The following NUP85 variants were observed in gnomAD, a reference collection of about 807,000 sequenced individuals.
NUP85 encodes nuclear pore complex protein Nup85.
Under a neutral mutation model 92.8 loss-of-function variants are expected in NUP85, and 23 were observed. That is an observed-to-expected ratio of 0.25 (90% confidence interval 0.18 to 0.35). The LOEUF is 0.35. Ranked by LOEUF, NUP85 falls within the 10% of genes least tolerant of loss-of-function variation. NUP85 has a pLI of 1.00. For synonymous variants in NUP85, 314 were observed against 306.9 expected, an observed-to-expected ratio of 1.02 and a Z score of -0.24; for missense variants, 759 against 822.8, an observed-to-expected ratio of 0.92 and a Z score of 0.95.
intron 7 of NUP85, among the ~76,000 whole-genome samples, chr17:75,221,630 G>A (rs2075601624): frequency 6.6e-6 from 1 of 152,156 alleles, no homozygotes; most frequent in Non-Finnish European, 1.5e-5. Flanking sequence ...GGGCTGTTGT[G>A]ATCATTAAAT....
chr17:75,213,050 A>C (rs2145287852), intron 4 of NUP85, 26 bp from the exon 5 acceptor site: 2 of 1,607,748 alleles, frequency 1.2e-6, no homozygotes, highest in East Asian at 4.5e-5. Context: ...TCCATTGCTC[A>C]CTTAAAATGT....
In NUP85 at chr17:75,226,155, C is replaced by T. The variant is rs2145358843; in HGVS notation, c.1092C>T (p.Cys364=). The T allele has an allele frequency of 6.2e-7, 1 of 1,612,634 alleles. No homozygotes were observed. The highest frequency in any genetic ancestry group is 2.2e-5 in the East Asian group (1 of 44,872). ...EFDIHQVIKE[C]SIALSNWWFV... is the part of the protein sequence containing the mutation. ...ACATCCATCAAGTAATCAAAGAGTG[C>T]AGGTAGGATCTCTCCCACCCCCCAC... The change falls in exon 11 of 19, where the codon TGC becomes TGT. Residue 364 remains cysteine (C), a splice_region_variant and synonymous_variant. Transcript: ENST00000245544.
At chr17:75,210,631 C>G (rs1249641395) in intron 3 of NUP85, among the ~76,000 whole-genome samples, 2 of 152,198 alleles carry the variant, frequency 1.3e-5, no homozygotes, top group Non-Finnish European at 2.9e-5. Context: ...ATAAGCTTTT[C>G]ACAAATGAAT....
At chr17:75,228,556 G>A in intron 11 of NUP85, 1 of 985,462 alleles carries the variant, frequency 1.0e-6, no homozygotes, top group Non-Finnish European at 1.2e-6. Context: ...TCTGGGGAAA[G>A]GTTGAATTGG....
chr17:75,230,596 T>C (rs1598339680), intron 11 of NUP85, among the ~76,000 whole-genome samples: 1 of 152,146 alleles, frequency 6.6e-6, no homozygotes, highest in Non-Finnish European at 1.5e-5. Flanking sequence ...CCTGACCTCA[T>C]GATCCTCCCA....
At position 75,233,046 on chromosome 17, in the gene NUP85, C is replaced by A; in HGVS notation, c.1515-12C>A. On this transcript the variant is annotated splice_polypyrimidine_tract_variant and intron_variant, in intron 15 of 18. Coordinates refer to ENST00000245544, the MANE Select transcript of NUP85 (RefSeq NM_024844.5). Reference sequence around the variant, plus strand: ...GAGACTGCTGCTCTGATCTCTGGGCCGGGCCCTGCAGGTTCCTCAGGGATT... The same window carrying A: ...GAGACTGCTGCTCTGATCTCTGGGCAGGGCCCTGCAGGTTCCTCAGGGATT... The A allele has an allele frequency of 6.2e-7, 1 of 1,613,832 alleles. No homozygotes were observed.
chr17:75,215,273 C>T (rs1389131887), intron 5 of NUP85, among the ~76,000 whole-genome samples: 1 of 152,298 alleles, frequency 6.6e-6, no homozygotes, highest in South Asian at 2.1e-4. Context: ...AATAGTGGCA[C>T]GATTATGGCT....
intron 5 of NUP85, among the ~76,000 whole-genome samples, chr17:75,215,523 A>G (rs1351724521): frequency 6.6e-6 from 1 of 152,192 alleles, no homozygotes; most frequent in Non-Finnish European, 1.5e-5. Context: ...TTATTTTTGT[A>G]ATGCACAGTA....
intron 5 of NUP85, among the ~76,000 whole-genome samples, chr17:75,213,672 C>T (rs555054381): frequency 1.3e-5 from 2 of 152,176 alleles, no homozygotes; most frequent in East Asian, 1.9e-4. Context: ...GAGAAGTAAT[C>T]TTGTGAGATC....
At chr17:75,213,671 T>A (rs2075339140) in intron 5 of NUP85, among the ~76,000 whole-genome samples, 1 of 152,046 alleles carries the variant, frequency 6.6e-6, no homozygotes, top group Non-Finnish European at 1.5e-5. Context: ...GGAGAAGTAA[T>A]CTTGTGAGAT....
In NUP85 at chr17:75,231,559, A is replaced by G; in HGVS notation, c.1179-14A>G. 7.4e-6 allele frequency: 12 copies of G among 1,614,106 alleles called. No homozygotes were observed. The highest frequency in any genetic ancestry group is 9.3e-6 in the Non-Finnish European group (11 of 1,179,974). The stretch of plus-strand genomic sequence containing the variant: ...AGGCCAGGAGTCTTGGTCTTTTGTT[A>G]TGTTTTATTCCAGTTTCGGTTCCAA... On this transcript the variant is annotated splice_polypyrimidine_tract_variant and intron_variant, in intron 12 of 18. Coordinates refer to ENST00000245544, the MANE Select transcript of NUP85 (RefSeq NM_024844.5). The surrounding 1 kb of genome is among the most constrained non-coding windows in gnomAD (Gnocchi z 4.6).
At chr17:75,222,269 TCC>T (rs2075618033) in intron 7 of NUP85, among the ~76,000 whole-genome samples, 1 of 152,066 alleles carries the variant, frequency 6.6e-6, no homozygotes, top group Non-Finnish European at 1.5e-5. Context: ...GGTCTCAAAC[TCC>T]TGGGCCCAAG....
At chr17:75,225,638 C>A in intron 9 of NUP85, 60 bp from the exon 10 acceptor site, 1 of 1,603,350 alleles carries the variant, frequency 6.2e-7, no homozygotes. Context: ...AGAGCAGGAG[C>A]ATTATGGAGA....
chr17:75,230,399 G>A (rs1392742876), intron 11 of NUP85, among the ~76,000 whole-genome samples: 3 of 136,356 alleles, frequency 2.2e-5, no homozygotes, highest in East Asian at 2.1e-4. Context: ...TCACTTTGTC[G>A]CCCAGGCCGG....
At chr17:75,232,770 G>A in intron 14 of NUP85, 81 bp from the exon 15 acceptor site, 1 of 1,263,290 alleles carries the variant, frequency 7.9e-7, no homozygotes, top group Non-Finnish European at 1.2e-6. Flanking sequence ...AGGCTGTGAG[G>A]CCACTCCGGT....
intron 6 of NUP85, among the ~76,000 whole-genome samples, chr17:75,216,674 T>C (rs1254950477): frequency 3.9e-5 from 6 of 152,210 alleles, no homozygotes; most frequent in Non-Finnish European, 7.3e-5. Context: ...TTATGTTTGC[T>C]ATTTTCCATA....
rs887930623 is a variant in NUP85 at position 75,230,572 on chromosome 17, G to A, written c.1095-768G>A. Among the ~76,000 whole-genome samples the A allele has an allele frequency of 3.3e-5, 5 of 152,234 alleles. No individual in the cohort carries two copies. The East Asian group carries it at 9.6e-4, about 29-fold the overall frequency. ...GATGGGGTTTCACCGTGTTAGCGAA[G>A]ATGGTCTTGATTTCCTGACCTCATG... On this transcript the variant is annotated intron_variant, in intron 11 of 18. Coordinates refer to ENST00000245544, the MANE Select transcript of NUP85 (RefSeq NM_024844.5).
chr17:75,226,201 C>A, intron 11 of NUP85, 44 bp downstream of exon 11: 1 of 1,508,262 alleles, frequency 6.6e-7, no homozygotes, highest in Non-Finnish European at 9.2e-7. Flanking sequence ...TTTAGGTGTA[C>A]AAATATCACC....
In NUP85 at chr17:75,231,925, C is replaced by T; in HGVS notation, c.1342C>T (p.Gln448Ter). Reference protein sequence around the residue: ...HIERIPLNTEQKALKVLRICE... With the variant: ...HIERIPLNTE ...TGAGCGGATACCTCTGAACACCGAG[C>T]AGAAAGCCCTGAAGGTGCTGCGGAT... Residue 448 changes from glutamine (Q) to a stop codon, truncating the protein, a stop_gained, in exon 14 of 19, where the codon CAG becomes TAG. Coordinates refer to ENST00000245544, the MANE Select transcript of NUP85 (RefSeq NM_024844.5). LOFTEE classifies it high-confidence loss of function. The surrounding 1 kb of genome is among the most constrained non-coding windows in gnomAD (Gnocchi z 4.6). 2 of 1,614,228 alleles carry T rather than the reference C, an allele frequency of 1.2e-6. No homozygotes were observed. Among genetic ancestry groups the T allele is most frequent in the Non-Finnish European group, 1.7e-6 (2 of 1,180,040 alleles).
Sources: allele counts gnomAD v4.1 joint callset (sites outside exome capture counted in the v4.1 genomes callset), GRCh38; gene constraint gnomAD v4.1.1; non-coding constraint Gnocchi (gnomAD v3.1); transcripts MANE v1.5; gene names NCBI Gene and HGNC (gene_info 2026-07-23, HGNC 2026-07-21).